The following SLC37A3 variants were observed in gnomAD, a reference collection of about 807,000 sequenced individuals.
SLC37A3 encodes sugar phosphate exchanger 3.
SLC37A3 carries 51 observed loss-of-function variants against 67.1 expected under a neutral mutation model. The observed-to-expected ratio is 0.76, with a 90% CI of 0.61 to 0.96. The LOEUF is 0.96. Among genes scored for constraint, SLC37A3 ranks in the 40% least tolerant of loss-of-function variants. The probability of loss-of-function intolerance (pLI) is 0.00; values close to 1 mark genes in which losing one functional copy is unlikely to be tolerated. For synonymous variants in SLC37A3, 214 were observed against 231.4 expected, an observed-to-expected ratio of 0.92 and a Z score of 0.68; for missense variants, 508 against 603.0, an observed-to-expected ratio of 0.84 and a Z score of 1.65.
Position 140,344,033 on chromosome 7 carries a change from G to A in SLC37A3, c.1175-470C>T, listed in dbSNP as rs140286819. ...GAGGCTGCCCATGAATCAGGCATGCGATGGCCCAGGTGAATCTGGTCCCAC... is the reference window on the plus strand; with the variant it reads ...GAGGCTGCCCATGAATCAGGCATGCAATGGCCCAGGTGAATCTGGTCCCAC... On this transcript the variant is annotated intron_variant, in intron 12 of 14. Coordinates refer to ENST00000326232, the MANE Select transcript of SLC37A3 (RefSeq NM_207113.3). 237 of 192,446 alleles carry A rather than the reference G, an allele frequency of 1.2e-3. 3 individuals carry two copies. The South Asian group carries it at 0.013, about 11-fold the overall frequency. The allele number at this position is 192,446 out of a possible 1,614,324, so 11.9% of individuals were successfully genotyped here.
rs146422299 is a variant in SLC37A3, at chr7:140,341,626, G to A, written c.1326+1786C>T. Among the ~76,000 whole-genome samples, 148 of 152,264 alleles carry A rather than the reference G, an allele frequency of 9.7e-4. 2 individuals are homozygous for A. The South Asian group carries it at 0.014, about 14-fold the overall frequency. ...TCAAAACTCAACATGGAAGAGGAATGAGTAAAGCTAACAGTGATTTACTCC... is the reference window on the plus strand; with the variant it reads ...TCAAAACTCAACATGGAAGAGGAATAAGTAAAGCTAACAGTGATTTACTCC... On this transcript the variant is annotated intron_variant, in intron 13 of 14. Coordinates refer to ENST00000326232, the MANE Select transcript of SLC37A3 (RefSeq NM_207113.3).
chr7:140,389,000 A>C (rs1228518903), intron 1 of SLC37A3, among the ~76,000 whole-genome samples: 3 of 152,172 alleles, frequency 2.0e-5, no homozygotes, highest in African/African-American at 7.2e-5. Context: ...AAATTATGAC[A>C]GTGAAAGAAA....
At chr7:140,356,007 C>G (rs1797011595) in intron 6 of SLC37A3, among the ~76,000 whole-genome samples, 1 of 152,150 alleles carries the variant, frequency 6.6e-6, no homozygotes, top group East Asian at 1.9e-4. Context: ...CCAGCCTGAC[C>G]AACATGGAGA....
At chr7:140,381,602 C>T (rs1563047953) in intron 2 of SLC37A3, among the ~76,000 whole-genome samples, 1 of 151,834 alleles carries the variant, frequency 6.6e-6, no homozygotes, top group Non-Finnish European at 1.5e-5. Context: ...GCAGAAATGT[C>T]AAAAAAAGCT....
At chr7:140,342,487 A>G (rs1297112401) in intron 13 of SLC37A3, among the ~76,000 whole-genome samples, 6 of 152,122 alleles carry the variant, frequency 3.9e-5, no homozygotes, top group Non-Finnish European at 8.8e-5. Context: ...CTCGGCCAAC[A>G]TTCTCTTTCC....
chr7:140,335,409 C>G lies in SLC37A3; in HGVS notation c.*3G>C, dbSNP rs373628258. On this transcript the variant is annotated 3_prime_UTR_variant, in exon 15 of 15. Coordinates refer to ENST00000326232, the MANE Select transcript of SLC37A3 (RefSeq NM_207113.3). ...ATTGTTCTTTCTGTCTCGCGGGCACCGGTCACTCCCTCAATATGTGAGCCT... is the reference window on the plus strand; with the variant it reads ...ATTGTTCTTTCTGTCTCGCGGGCACGGGTCACTCCCTCAATATGTGAGCCT... 2 of 1,613,982 alleles carry G rather than the reference C, an allele frequency of 1.2e-6. No individual in the cohort carries two copies. The highest frequency in any genetic ancestry group is 1.3e-5 in the African/African-American group (1 of 74,900).
Position 140,343,547 on chromosome 7 carries a change from T to C in SLC37A3, c.1191A>G (p.Gly397=). Reference sequence around the variant, plus strand: ...TAGCAGAACTAATCATATTAGAAGGTCCACCAATAAAAAATCCTGAAGTCA... The same window carrying C: ...TAGCAGAACTAATCATATTAGAAGGCCCACCAATAAAAAATCCTGAAGTCA... ...LMTVTGFFIG[G]PSNMISSAIS... Residue 397 remains glycine (G), a synonymous_variant, in exon 13 of 15, where the codon GGA becomes GGG. Coordinates refer to ENST00000326232, the MANE Select transcript of SLC37A3 (RefSeq NM_207113.3). 3 of 1,614,092 alleles carry C rather than the reference T, an allele frequency of 1.9e-6. No individual in the cohort carries two copies. Among genetic ancestry groups the C allele is most frequent in the Non-Finnish European group, 2.5e-6 (3 of 1,180,010 alleles).
At chr7:140,342,544 A>G (rs1796398062) in intron 13 of SLC37A3, among the ~76,000 whole-genome samples, 1 of 152,174 alleles carries the variant, frequency 6.6e-6, no homozygotes, top group Non-Finnish European at 1.5e-5. Context: ...ATTTTTATCC[A>G]TACAGATGAC....
chr7:140,347,362 TC>T (rs2117055186), intron 10 of SLC37A3, among the ~76,000 whole-genome samples: 1 of 152,282 alleles, frequency 6.6e-6, no homozygotes, highest in East Asian at 1.9e-4. Flanking sequence ...TATGAATCTT[TC>T]AAGCAACAAT....
intron 1 of SLC37A3, among the ~76,000 whole-genome samples, chr7:140,390,473 G>A (rs1433137939): frequency 6.6e-6 from 1 of 152,048 alleles, no homozygotes; most frequent in Admixed American, 6.6e-5. Flanking sequence ...GGACACAAGC[G>A]TTCCATGTTC....
chr7:140,396,018 C>CTT (rs796968784), intron 1 of SLC37A3, among the ~76,000 whole-genome samples: 5 of 145,218 alleles, frequency 3.4e-5, no homozygotes, highest in Non-Finnish European at 6.1e-5. Flanking sequence ...ATACAACTAT[C>CTT]TTTTTTTTTT....
chr7:140,384,673 C>T (rs1798382254), intron 1 of SLC37A3, among the ~76,000 whole-genome samples: 2 of 152,204 alleles, frequency 1.3e-5, no homozygotes, highest in East Asian at 1.9e-4. Flanking sequence ...GAGCTATGAT[C>T]GCACCATTGC....
Position 140,348,681 on chromosome 7 carries a change from C to T in SLC37A3, c.969G>A (p.Trp323Ter). 6.2e-7 allele frequency: 1 copy of T among 1,614,132 alleles called. No homozygotes were observed. The highest frequency in any genetic ancestry group is 1.1e-5 in the South Asian group (1 of 91,086). Residue 323 changes from tryptophan to a stop codon, truncating the protein, a stop_gained, in exon 10 of 15, where the codon TGG (tryptophan) becomes TGA (stop). Coordinates refer to ENST00000326232, the MANE Select transcript of SLC37A3 (RefSeq NM_207113.3). LOFTEE classifies it high-confidence loss of function. The part of the protein sequence containing the change: ...LPFYLSNNFG[W>*]KEAEADKLSI... Reference sequence around the variant, plus strand: ...ACAGCTTGTCGGCTTCCGCCTCCTTCCAGCCGAAGTTGTTACTCAGATAAA... The same window carrying T: ...ACAGCTTGTCGGCTTCCGCCTCCTTTCAGCCGAAGTTGTTACTCAGATAAA...
chr7:140,368,060 T>C (rs12703793), intron 4 of SLC37A3, among the ~76,000 whole-genome samples: 83,016 of 151,492 alleles, frequency 0.55, 22,881 homozygotes, highest in South Asian at 0.63. Context: ...GTTATCCACC[T>C]GCCTCGGTCT....
intron 3 of SLC37A3, among the ~76,000 whole-genome samples, chr7:140,371,007 G>A (rs1192227380): frequency 3.3e-5 from 5 of 152,110 alleles, no homozygotes; most frequent in African/African-American, 9.7e-5. Context: ...ATATCCACCA[G>A]TCTAAAATCA....
At chr7:140,346,156 G>A (rs1454586063) in intron 10 of SLC37A3, among the ~76,000 whole-genome samples, 186 bp from the exon 11 acceptor site, 1 of 152,070 alleles carries the variant, frequency 6.6e-6, no homozygotes, top group Non-Finnish European at 1.5e-5. Context: ...GAGGCAGGTG[G>A]ATCACAAGGT....
chr7:140,389,257 C>T (rs1203058006), intron 1 of SLC37A3, among the ~76,000 whole-genome samples: 1 of 152,130 alleles, frequency 6.6e-6, no homozygotes, highest in Non-Finnish European at 1.5e-5. Flanking sequence ...CCCCAAATTG[C>T]TCCTGGGGAT....
chr7:140,353,861 G>A (rs76429847), intron 7 of SLC37A3, among the ~76,000 whole-genome samples: 14,084 of 152,042 alleles, frequency 0.093, 809 homozygotes, highest in South Asian at 0.24. Flanking sequence ...ACAGGTGCCC[G>A]TGACCACGCC....
intron 3 of SLC37A3, among the ~76,000 whole-genome samples, chr7:140,374,962 A>G (rs1270985779): frequency 1.3e-5 from 2 of 152,100 alleles, no homozygotes; most frequent in Non-Finnish European, 2.9e-5. Context: ...CCTGGCCAAT[A>G]TGGTGAAACC....
Sources: allele counts gnomAD v4.1 joint callset (sites outside exome capture counted in the v4.1 genomes callset), GRCh38; gene constraint gnomAD v4.1.1; transcripts MANE v1.5; gene names NCBI Gene and HGNC (gene_info 2026-07-23, HGNC 2026-07-21).